Variants in DAZL observed in about 807,000 individuals in gnomAD.
DAZL encodes the protein deleted in azoospermia-like.
DAZL carries 4 observed loss-of-function variants against 45.0 expected under a neutral mutation model. The ratio of observed to expected loss-of-function variants is 0.09; its 90% CI spans 0.04 to 0.20. The LOEUF (loss-of-function observed/expected upper bound fraction) is 0.20. DAZL is among the 10% of genes least tolerant of loss of function. The pLI is 1.00. For synonymous variants in DAZL, 122 were observed against 112.4 expected (o/e 1.09, Z -0.54); for missense variants, 326 against 351.3 (o/e 0.93, Z 0.58).
At chr3:16,604,915 G>A (rs998723909) in intron 1 of DAZL, 2 of 672,480 alleles carry the variant, frequency 3.0e-6, no homozygotes, top group Non-Finnish European at 2.5e-6. Context: ...GGAAATGGGT[G>A]CCTCAAGAAG....
intron 8 of DAZL, 24 bp from the exon 9 acceptor site, chr3:16,593,792 T>C: frequency 6.9e-7 from 1 of 1,453,346 alleles, no homozygotes; most frequent in Non-Finnish European, 9.6e-7. Flanking sequence ...AATGAAAGTG[T>C]AATTAAACAG....
intron 1 of DAZL, 60 bp from the exon 2 acceptor site, chr3:16,598,658 G>T: frequency 6.7e-7 from 1 of 1,498,220 alleles, no homozygotes; most frequent in African/African-American, 1.4e-5. Flanking sequence ...TACATAATGT[G>T]AAATATAATT....
chr3:16,599,284 G>A (rs1011287271), intron 1 of DAZL, among the ~76,000 whole-genome samples: 7 of 151,524 alleles, frequency 4.6e-5, no homozygotes, highest in Non-Finnish European at 8.8e-5. Context: ...ATTTTACTGA[G>A]TACACTAATA....
chr3:16,598,360 T>C, intron 2 of DAZL, 92 bp downstream of exon 2: 3 of 1,534,238 alleles, frequency 2.0e-6, no homozygotes, highest in Non-Finnish European at 1.8e-6. Context: ...TAAACCTCCA[T>C]GAAGTACAAA....
At chr3:16,588,793 T>G (rs1575414778) in intron 10 of DAZL, 80 bp from the exon 11 acceptor site, 1 of 1,146,792 alleles carries the variant, frequency 8.7e-7, no homozygotes, top group East Asian at 2.4e-5. Context: ...GTCAAAAACT[T>G]AAACCATTTG....
intron 1 of DAZL, chr3:16,604,524 C>G (rs1441969957): frequency 1.3e-6 from 2 of 1,504,432 alleles, no homozygotes; most frequent in Non-Finnish European, 1.8e-6. Flanking sequence ...CCGCAGCTGA[C>G]AGGCGCGAGG....
intron 6 of DAZL, 109 bp from the exon 7 acceptor site, chr3:16,595,494 T>C: frequency 1.6e-6 from 1 of 633,270 alleles, no homozygotes; most frequent in Non-Finnish European, 2.7e-6. Flanking sequence ...TATTTTTCTA[T>C]ATACAACAAT....
At chr3:16,588,750 A>T (rs767629047) in intron 10 of DAZL, 37 bp from the exon 11 acceptor site, 1 of 1,557,904 alleles carries the variant, frequency 6.4e-7, no homozygotes, top group Non-Finnish European at 8.9e-7. Flanking sequence ...ACTTTACTGA[A>T]AATTTCTGAT....
chr3:16,594,799 G>C (rs1694572435), intron 7 of DAZL, among the ~76,000 whole-genome samples: 1 of 152,016 alleles, frequency 6.6e-6, no homozygotes, highest in South Asian at 2.1e-4. Context: ...ATTTTCTGGA[G>C]TTGGCATTGT....
intron 6 of DAZL, 77 bp downstream of exon 6, chr3:16,596,673 C>T: frequency 6.6e-7 from 1 of 1,505,216 alleles, no homozygotes; most frequent in Non-Finnish European, 9.2e-7. Context: ...CCACTTACTA[C>T]AGAAATTGGA....
At chr3:16,598,389 C>T in intron 2 of DAZL, 63 bp downstream of exon 2, 1 of 1,589,520 alleles carries the variant, frequency 6.3e-7, no homozygotes, top group East Asian at 2.3e-5. Context: ...AAGTTTGTAA[C>T]AGGGCCCAAA....
Position 16,595,950 on chromosome 3 carries a change from G to C in DAZL, c.499-565C>G, listed in dbSNP as rs1051289247. Reference sequence around the variant, plus strand: ...AAAACATATAGGTGGCAGCATACACGAATACACCCAGATGCAGTAATGACT... The same window carrying C: ...AAAACATATAGGTGGCAGCATACACCAATACACCCAGATGCAGTAATGACT... On this transcript the variant is annotated intron_variant, in intron 6 of 10. Transcript: ENST00000399444. 2.0e-5 allele frequency among the ~76,000 whole-genome samples: 3 copies of C among 151,284 alleles called. No individual in the cohort carries two copies. The East Asian group carries it at 5.8e-4, about 29-fold the overall frequency.
rs1408681398 is a variant in DAZL, at chr3:16,596,878, CATG to C, written c.367_369del (p.His123del). The stretch of plus-strand genomic sequence containing the variant: ...TTAAAAACCAAAGGACGTGGCTGCA[CATG>C]ATAAGCACCTTTTTGAAAAGCAAAA... On this transcript the variant is annotated inframe_deletion, in exon 6 of 11. Coordinates refer to ENST00000399444, the MANE Select transcript of DAZL (RefSeq NM_001351.4). The C allele has an allele frequency of 2.2e-5, 35 of 1,613,694 alleles. No homozygotes were observed. The highest frequency in any genetic ancestry group is 3.3e-5 in the Admixed American group (2 of 59,986).
At chr3:16,597,758 T>C (rs1009671637) in intron 3 of DAZL, among the ~76,000 whole-genome samples, 5 of 152,208 alleles carry the variant, frequency 3.3e-5, no homozygotes, top group East Asian at 1.9e-4. Flanking sequence ...GAAAACTTCA[T>C]TGATTAACAA....
At chr3:16,599,601 CTAATTA>C (rs1274018112) in intron 1 of DAZL, among the ~76,000 whole-genome samples, 4 of 152,150 alleles carry the variant, frequency 2.6e-5, no homozygotes, top group African/African-American at 9.7e-5. Context: ...ACTGATAATT[CTAATTA>C]TCACAGTAGG....
At chr3:16,602,543 G>T (rs553783379) in intron 1 of DAZL, among the ~76,000 whole-genome samples, 1 of 152,194 alleles carries the variant, frequency 6.6e-6, no homozygotes, top group South Asian at 2.1e-4. Flanking sequence ...ATTTCTCAAC[G>T]CATTTTACAA....
intron 1 of DAZL, among the ~76,000 whole-genome samples, chr3:16,599,650 TAAAG>T (rs1694653562): frequency 1.3e-5 from 2 of 152,348 alleles, no homozygotes; most frequent in Non-Finnish European, 2.9e-5. Flanking sequence ...TATTTTCAGA[TAAAG>T]AAACACACAT....
intron 1 of DAZL, chr3:16,604,633 C>A (rs1694746262): frequency 1.5e-6 from 2 of 1,374,102 alleles, no homozygotes; most frequent in Non-Finnish European, 1.9e-6. Context: ...CCCGCCCACC[C>A]CACCAAGTAC....
intron 10 of DAZL, among the ~76,000 whole-genome samples, chr3:16,590,794 A>C (rs890867938): frequency 6.6e-6 from 1 of 152,192 alleles, no homozygotes; most frequent in Non-Finnish European, 1.5e-5. Context: ...CATATACATG[A>C]AATGTCCAGG....
Sources: gnomAD v4.1 joint callset for allele counts (sites outside exome capture counted in the v4.1 genomes callset) on GRCh38, gnomAD v4.1.1 for gene constraint, MANE v1.5 for transcripts, NCBI Gene and HGNC (gene_info 2026-07-23, HGNC 2026-07-21) for gene names.